SCN11A: variants seen among roughly 807,000 people sequenced by gnomAD.
SCN11A encodes sodium voltage-gated channel alpha subunit 11.
SCN11A carries 122 observed loss-of-function variants against 162.2 expected under a neutral mutation model. The observed-to-expected ratio is 0.75, with a 90% CI of 0.65 to 0.87. The LOEUF is 0.87. Ranked by LOEUF, SCN11A falls within the 40% of genes least tolerant of loss-of-function variation. The pLI is 0.00. For missense variants in SCN11A, 2,015 were observed against 2,181.6 expected (o/e 0.92, Z 1.52); for synonymous variants, 758 against 751.5 (o/e 1.01, Z -0.14).
At chr3:39,051,309 T>C (rs9841839) in intron 1 of SCN11A, among the ~76,000 whole-genome samples, 23,045 of 151,966 alleles carry the variant, frequency 0.15, 3,485 homozygotes, top group African/African-American at 0.39. Flanking sequence ...CCAGTGTGTG[T>C]TGTCCCCCTC....
chr3:38,885,547 C>T lies in SCN11A; in HGVS notation c.2950-145G>A, dbSNP rs2126108639. On this transcript the variant is annotated intron_variant, in intron 20 of 29. Transcript: ENST00000302328. Reference sequence around the variant, plus strand: ...AGGATGAGAGGTGTCAAGAAACACCCCTCCTGCTGGGTCCTTTTCTAAGTG... The same window carrying T: ...AGGATGAGAGGTGTCAAGAAACACCTCTCCTGCTGGGTCCTTTTCTAAGTG... The T allele has an allele frequency of 1.2e-5, 7 of 601,974 alleles. No homozygotes were observed. The South Asian group carries it at 1.5e-4, about 13-fold the overall frequency. The allele number at this position is 601,974 out of a possible 1,614,324, so 37.3% of individuals were successfully genotyped here. A position where few individuals can be genotyped will look rare whatever the true frequency, so the allele number is the denominator to read the frequency against.
chr3:38,927,880 G>C (rs1030657119), intron 7 of SCN11A, among the ~76,000 whole-genome samples: 1 of 152,178 alleles, frequency 6.6e-6, no homozygotes, highest in African/African-American at 2.4e-5. Flanking sequence ...TACAATTCAT[G>C]ATGAGATTTG....
At chr3:38,889,527 C>T (rs1465916054) in intron 19 of SCN11A, among the ~76,000 whole-genome samples, 3 of 151,880 alleles carry the variant, frequency 2.0e-5, no homozygotes, top group Admixed American at 6.6e-5. Flanking sequence ...TGGCCGGGCG[C>T]GGTGGCTCAC....
At chr3:39,047,915 A>C (rs1248457199) in intron 1 of SCN11A, among the ~76,000 whole-genome samples, 1 of 152,214 alleles carries the variant, frequency 6.6e-6, no homozygotes, top group African/African-American at 2.4e-5. Flanking sequence ...GAATTCATAC[A>C]CTGTTGATAG....
At chr3:38,973,440 A>G (rs1002438317) in intron 2 of SCN11A, among the ~76,000 whole-genome samples, 3 of 152,142 alleles carry the variant, frequency 2.0e-5, no homozygotes, top group Non-Finnish European at 4.4e-5. Flanking sequence ...ATAATTATAT[A>G]TAGCAAAATC....
chr3:38,947,693 C>T (rs965869787), intron 5 of SCN11A, among the ~76,000 whole-genome samples: 2 of 152,218 alleles, frequency 1.3e-5, no homozygotes, highest in African/African-American at 2.4e-5. Flanking sequence ...TAGCATGACT[C>T]CCTGGGCACT....
intron 9 of SCN11A, among the ~76,000 whole-genome samples, chr3:38,922,674 G>A (rs2066072470): frequency 6.6e-6 from 1 of 151,460 alleles, no homozygotes; most frequent in African/African-American, 2.4e-5. Context: ...AAAGAAGAAG[G>A]AGAAGGAGGA....
At position 38,863,714 on chromosome 3, in the gene SCN11A, C is replaced by A. The variant is rs547897559; in HGVS notation, c.3952-415G>T. ...TAATGAATACACATAACACTACTAACAAAGCTGCATAAAATCTGTTCAGAG... is the reference window on the plus strand; with the variant it reads ...TAATGAATACACATAACACTACTAAAAAAGCTGCATAAAATCTGTTCAGAG... On this transcript the variant is annotated intron_variant, in intron 27 of 29. Transcript: ENST00000302328. Among the ~76,000 whole-genome samples the A allele has an allele frequency of 2.0e-3, 310 of 151,530 alleles. 1 individual carries two copies. Among genetic ancestry groups the A allele is most frequent in the African/African-American group, 7.2e-3 (297 of 41,282 alleles).
At chr3:38,875,682 T>C (rs1209177001) in intron 23 of SCN11A, among the ~76,000 whole-genome samples, 1 of 152,004 alleles carries the variant, frequency 6.6e-6, no homozygotes, top group African/African-American at 2.4e-5. Flanking sequence ...CAAAGAAAAC[T>C]ACAAAACACT....
At position 38,847,186 on chromosome 3, in the gene SCN11A, T is replaced by C. The variant is rs764945921; in HGVS notation, c.4884A>G (p.Glu1628=). 3.7e-6 allele frequency: 6 copies of C among 1,614,168 alleles called. No individual in the cohort carries two copies. Among genetic ancestry groups the C allele is most frequent in the Non-Finnish European group, 5.1e-6 (6 of 1,180,002 alleles). The part of the protein sequence containing the change: ...LGEDDFDIFY[E]VWEKFDPEAT... The stretch of plus-strand genomic sequence containing the variant: ...CTTCTGGGTCAAACTTTTCCCACAC[T>C]TCATAAAATATGTCAAAGTCATCTT... Residue 1628 remains glutamate (E), a synonymous_variant, in exon 30 of 30, where the codon GAA becomes GAG. Coordinates refer to ENST00000302328, the MANE Select transcript of SCN11A (RefSeq NM_001349253.2).
At chr3:38,931,709 T>C (rs1258378430) in intron 7 of SCN11A, among the ~76,000 whole-genome samples, 3 of 152,170 alleles carry the variant, frequency 2.0e-5, no homozygotes, top group African/African-American at 7.2e-5. Flanking sequence ...GCCTGCAAGG[T>C]CTGGGAGTCC....
chr3:38,972,066 T>C (rs887174775), intron 2 of SCN11A, among the ~76,000 whole-genome samples: 5 of 152,154 alleles, frequency 3.3e-5, no homozygotes, highest in African/African-American at 1.2e-4. Flanking sequence ...AAGGAAACAC[T>C]AGATGGCTGT....
chr3:39,002,070 C>T (rs539875553), intron 2 of SCN11A, among the ~76,000 whole-genome samples: 1 of 152,168 alleles, frequency 6.6e-6, no homozygotes, highest in African/African-American at 2.4e-5. Context: ...TTATTATTTC[C>T]CCATTGAATA....
At position 38,847,370 on chromosome 3, in the gene SCN11A, C is replaced by T. The variant is rs1433212745; in HGVS notation, c.4700G>A (p.Cys1567Tyr). ...LSPMLRSKESCNSSSENCHLP... is the reference protein window; with the variant it reads ...LSPMLRSKESYNSSSENCHLP... ...GTGGCAGTTTTCTGAGGAAGAGTTACATGATTCTTTTGATCGCAGCATGGG... is the reference window on the plus strand; with the variant it reads ...GTGGCAGTTTTCTGAGGAAGAGTTATATGATTCTTTTGATCGCAGCATGGG... Residue 1567 changes from cysteine to tyrosine, a missense_variant, in exon 30 of 30, where the codon TGT becomes TAT. Transcript: ENST00000302328. 1 of 1,614,038 alleles carries T rather than the reference C, an allele frequency of 6.2e-7. No individual in the cohort carries two copies. The highest frequency in any genetic ancestry group is 1.3e-5 in the African/African-American group (1 of 74,940).
intron 3 of SCN11A, among the ~76,000 whole-genome samples, chr3:38,954,382 T>C (rs941414473): frequency 6.6e-6 from 1 of 152,168 alleles, no homozygotes; most frequent in African/African-American, 2.4e-5. Context: ...ATGGATGCGC[T>C]GTGAAAGACC....
intron 7 of SCN11A, among the ~76,000 whole-genome samples, chr3:38,939,715 C>T (rs2066411265): frequency 6.6e-6 from 1 of 151,968 alleles, no homozygotes; most frequent in Non-Finnish European, 1.5e-5. Flanking sequence ...ATCAGCCTGA[C>T]CAACATGGAG....
intron 28 of SCN11A, among the ~76,000 whole-genome samples, chr3:38,854,344 T>C (rs1195285614): frequency 6.6e-6 from 1 of 152,184 alleles, no homozygotes; most frequent in Non-Finnish European, 1.5e-5. Context: ...ATACAAAGTT[T>C]ATCATAAATA....
At chr3:38,963,980 T>A (rs532939846) in intron 2 of SCN11A, among the ~76,000 whole-genome samples, 3 of 152,330 alleles carry the variant, frequency 2.0e-5, no homozygotes, top group Middle Eastern at 3.4e-3. Context: ...ATCTTTAAGG[T>A]AAATGCAAAT....
At chr3:39,030,055 T>A (rs1470230543) in intron 2 of SCN11A, among the ~76,000 whole-genome samples, 1 of 152,208 alleles carries the variant, frequency 6.6e-6, no homozygotes, top group Non-Finnish European at 1.5e-5. Context: ...AAGAGTGGTT[T>A]ATATTCCTGG....
Sources: allele counts gnomAD v4.1 joint callset (sites outside exome capture counted in the v4.1 genomes callset), GRCh38; gene constraint gnomAD v4.1.1; transcripts MANE v1.5; gene names NCBI Gene and HGNC (gene_info 2026-07-23, HGNC 2026-07-21).